The following CDYL variants were observed in gnomAD, a reference collection of about 807,000 sequenced individuals.
CDYL encodes the protein chromodomain Y-like protein.
Under a neutral mutation model 47.3 loss-of-function variants are expected in CDYL, and 8 were observed. That is an observed-to-expected ratio of 0.17 (90% CI 0.10 to 0.31). CDYL has a LOEUF of 0.31. Among genes scored for constraint, CDYL ranks in the 10% least tolerant of loss-of-function variants. The pLI is 1.00. For missense variants in CDYL, 471 were observed against 701.4 expected (o/e 0.67, Z 3.71); for synonymous variants, 266 against 265.0 (o/e 1.00, Z -0.04).
At chr6:4,825,848 C>CA (rs34591908) in intron 1 of CDYL, among the ~76,000 whole-genome samples, 1,282 of 98,744 alleles carry the variant, frequency 0.013, 9 homozygotes, top group East Asian at 0.041. Context: ...CCTAGAATGG[C>CA]AAAAAAAAAA....
chr6:4,847,290 T>A (rs1295135505), intron 1 of CDYL, among the ~76,000 whole-genome samples: 1 of 152,232 alleles, frequency 6.6e-6, no homozygotes, highest in Non-Finnish European at 1.5e-5. Flanking sequence ...CCCCCATCCG[T>A]CCCTGTCTCA....
intron 3 of CDYL, among the ~76,000 whole-genome samples, chr6:4,762,714 C>A (rs1758195170): frequency 7.6e-6 from 1 of 131,542 alleles, no homozygotes; most frequent in African/African-American, 2.8e-5. Flanking sequence ...AATTTGTAAA[C>A]CAAAAGATAG....
At chr6:4,874,189 T>C (rs538560440) in intron 1 of CDYL, among the ~76,000 whole-genome samples, 22 of 152,258 alleles carry the variant, frequency 1.4e-4, no homozygotes, top group Non-Finnish European at 2.9e-4. Flanking sequence ...TGGCCATTTG[T>C]ATTTTTTTTT....
At chr6:4,870,380 A>G (rs144428342) in intron 1 of CDYL, among the ~76,000 whole-genome samples, 193 of 152,174 alleles carry the variant, frequency 1.3e-3, no homozygotes, top group African/African-American at 4.4e-3. Context: ...TTATATTTGT[A>G]TATATTTTTA....
intron 3 of CDYL, among the ~76,000 whole-genome samples, chr6:4,735,908 G>T (rs1029902413): frequency 3.9e-5 from 6 of 152,044 alleles, no homozygotes; most frequent in Non-Finnish European, 7.4e-5. Flanking sequence ...CACGTGATGG[G>T]GGGGGGTGGG....
chr6:4,791,582 G>C (rs1040080519), intron 1 of CDYL, among the ~76,000 whole-genome samples: 3 of 152,144 alleles, frequency 2.0e-5, no homozygotes, highest in African/African-American at 7.2e-5. Context: ...GCTTGAACTA[G>C]CTGACATCCA....
chr6:4,775,076 G>A (rs1305037450), upstream of CDYL, among the ~76,000 whole-genome samples: 1 of 152,170 alleles, frequency 6.6e-6, no homozygotes, highest in Non-Finnish European at 1.5e-5. This position sits in a 1 kb window ranked among gnomAD's most constrained non-coding sequence, Gnocchi z 7.0. Context: ...AGGGCTTTAG[G>A]AAGAAAACTG....
intron 2 of CDYL, among the ~76,000 whole-genome samples, chr6:4,909,203 T>C (rs7742807): frequency 0.86 from 131,526 of 152,204 alleles, 56,927 homozygotes; most frequent in Admixed American, 0.9. Flanking sequence ...AAGATACATT[T>C]ATCATGTCAT....
At chr6:4,891,417 C>G (rs1051972301) in intron 1 of CDYL, among the ~76,000 whole-genome samples, 18 of 152,166 alleles carry the variant, frequency 1.2e-4, no homozygotes, top group Non-Finnish European at 2.4e-4. Flanking sequence ...GAAACCAACT[C>G]GGTGGTCAGG....
chr6:4,760,146 T>C (rs1235313694), intron 3 of CDYL, among the ~76,000 whole-genome samples: 2 of 151,826 alleles, frequency 1.3e-5, no homozygotes, highest in African/African-American at 4.8e-5. Flanking sequence ...CATCCTCTTA[T>C]ACTTTGGAAA....
At chr6:4,862,466 A>G (rs1761199453) in intron 1 of CDYL, among the ~76,000 whole-genome samples, 1 of 152,174 alleles carries the variant, frequency 6.6e-6, no homozygotes. Context: ...CCTTATAAAC[A>G]TAAAACCCAT....
chr6:4,811,774 CTCT>C (rs1179196200), intron 1 of CDYL, among the ~76,000 whole-genome samples: 2 of 152,020 alleles, frequency 1.3e-5, no homozygotes, highest in Non-Finnish European at 2.9e-5. Context: ...CCTGGCCTCT[CTCT>C]TCTTTAACAA....
chr6:4,724,305 C>T (rs960575702), intron 2 of CDYL: 1 of 152,060 alleles, frequency 6.6e-6, no homozygotes, highest in Admixed American at 6.6e-5. Context: ...CCCACCTTGG[C>T]CTCCCAACGT....
chr6:4,781,017 A>G (rs1405617674), intron 1 of CDYL, among the ~76,000 whole-genome samples: 1 of 152,228 alleles, frequency 6.6e-6, no homozygotes, highest in African/African-American at 2.4e-5. Context: ...TTCCCTTGAG[A>G]ACTCCTGTAA....
At chr6:4,850,076 T>C (rs1330957253) in intron 1 of CDYL, among the ~76,000 whole-genome samples, 1 of 151,878 alleles carries the variant, frequency 6.6e-6, no homozygotes, top group Admixed American at 6.6e-5. Flanking sequence ...CTTCATAGAG[T>C]TTTGTGGGTA....
intron 1 of CDYL, among the ~76,000 whole-genome samples, chr6:4,835,608 C>CA (rs1350924225): frequency 7.9e-5 from 12 of 152,226 alleles, no homozygotes; most frequent in Admixed American, 4.6e-4. Context: ...TCAAAGCTGT[C>CA]AGACAGGGAC....
chr6:4,901,836 T>G (rs1370605107), intron 2 of CDYL, among the ~76,000 whole-genome samples: 1 of 152,186 alleles, frequency 6.6e-6, no homozygotes, highest in Non-Finnish European at 1.5e-5. Flanking sequence ...CAGGCACAGC[T>G]GGATCTGTGG....
At chr6:4,835,326 T>C (rs544363747) in intron 1 of CDYL, among the ~76,000 whole-genome samples, 67 of 152,332 alleles carry the variant, frequency 4.4e-4, no homozygotes, top group Non-Finnish European at 5.9e-4. Context: ...TGGAGTTTGC[T>C]AGAGGTCCAC....
chr6:4,945,704 A>G (rs3789795), intron 5 of CDYL, among the ~76,000 whole-genome samples: 4,516 of 152,292 alleles, frequency 0.03, 219 homozygotes, highest in Admixed American at 0.12. Flanking sequence ...GCTGCTGCCC[A>G]CCATCATGGA....
Sources: gnomAD v4.1 joint callset for allele counts (sites outside exome capture counted in the v4.1 genomes callset) on GRCh38, gnomAD v4.1.1 for gene constraint, Gnocchi (gnomAD v3.1) non-coding constraint, MANE v1.5 for transcripts, NCBI Gene and HGNC (gene_info 2026-07-23, HGNC 2026-07-21) for gene names.